The following PDK1 variants were observed in gnomAD, a reference collection of about 807,000 sequenced individuals.
PDK1 encodes pyruvate dehydrogenase kinase 1.
Under a neutral mutation model 54.2 loss-of-function variants are expected in PDK1, and 39 were observed. The ratio of observed to expected loss-of-function variants is 0.72; its 90% CI spans 0.56 to 0.94. The LOEUF is 0.94. PDK1 is among the 40% of genes least tolerant of loss of function. PDK1 has a pLI of 0.00. For synonymous variants in PDK1, 221 were observed against 207.1 expected (o/e 1.07, Z -0.58); for missense variants, 552 against 566.0 (o/e 0.98, Z 0.25).
chr2:172,650,533 A>C, the PDK1 span, among the ~76,000 whole-genome samples: 22 of 152,282 alleles, frequency 1.4e-4, no homozygotes, highest in African/African-American at 5.3e-4. Context: ...AAAGACACAG[A>C]CTGGCAAATT....
chr2:172,613,146 G>A (rs910498073), downstream of PDK1, among the ~76,000 whole-genome samples: 1 of 152,182 alleles, frequency 6.6e-6, no homozygotes, highest in Non-Finnish European at 1.5e-5. Flanking sequence ...ACTGAGTCTT[G>A]ACTAACAGGA....
At chr2:172,609,425 AAAT>A (rs1237628443), downstream of PDK1, among the ~76,000 whole-genome samples, 6 of 152,244 alleles carry the variant, frequency 3.9e-5, no homozygotes, top group African/African-American at 1.4e-4. Flanking sequence ...ACTATAAAGA[AAAT>A]AAGATTTTAT....
At chr2:172,626,492 T>C in the PDK1 span, among the ~76,000 whole-genome samples, 2 of 152,266 alleles carry the variant, frequency 1.3e-5, no homozygotes, top group South Asian at 2.1e-4. Flanking sequence ...TTTAAAGATA[T>C]AGTTTTGAAA....
the PDK1 span, among the ~76,000 whole-genome samples, chr2:172,669,123 A>T: frequency 7.2e-6 from 1 of 139,062 alleles, no homozygotes; most frequent in South Asian, 2.2e-4. Context: ...GCAGTGGCGC[A>T]ATCTCGGCTC....
the PDK1 span, among the ~76,000 whole-genome samples, chr2:172,617,375 CTCTAG>C: frequency 2.2e-4 from 34 of 152,040 alleles, no homozygotes; most frequent in Middle Eastern, 3.4e-3. Flanking sequence ...AAATATTCCC[CTCTAG>C]TCTATTTTGT....
chr2:172,672,903 T>A, the PDK1 span, among the ~76,000 whole-genome samples: 1 of 152,188 alleles, frequency 6.6e-6, no homozygotes, highest in African/African-American at 2.4e-5. Flanking sequence ...ACCCAAGTCA[T>A]ACAGCATCAA....
chr2:172,630,866 G>A, the PDK1 span, among the ~76,000 whole-genome samples: 1 of 152,094 alleles, frequency 6.6e-6, no homozygotes, highest in South Asian at 2.1e-4. Flanking sequence ...CTGACCTCAA[G>A]CGATCCTCCC....
chr2:172,629,946 G>A, the PDK1 span, among the ~76,000 whole-genome samples: 1 of 152,152 alleles, frequency 6.6e-6, no homozygotes, highest in African/African-American at 2.4e-5. Context: ...GGAAGTATTC[G>A]GTTTCACATT....
the PDK1 span, among the ~76,000 whole-genome samples, chr2:172,647,650 T>C: frequency 8.5e-5 from 13 of 152,184 alleles, 1 homozygote. Flanking sequence ...GGAATTCCAA[T>C]TAATAAATGT....
chr2:172,698,335 G>A, the PDK1 span, among the ~76,000 whole-genome samples: 27 of 151,964 alleles, frequency 1.8e-4, no homozygotes, highest in Admixed American at 1.8e-3. Context: ...GCATAAGTTT[G>A]GGCTGGTTTG....
the PDK1 span, among the ~76,000 whole-genome samples, chr2:172,682,253 G>C: frequency 6.6e-6 from 1 of 152,228 alleles, no homozygotes; most frequent in Admixed American, 6.5e-5. Context: ...GGCTGTAGTA[G>C]AGAGAGCAGG....
the PDK1 span, among the ~76,000 whole-genome samples, chr2:172,642,314 G>A: frequency 6.6e-6 from 1 of 152,118 alleles, no homozygotes; most frequent in African/African-American, 2.4e-5. Context: ...CTCTTGTGTG[G>A]GTACTTGGTG....
chr2:172,618,318 A>G, the PDK1 span, among the ~76,000 whole-genome samples: 1 of 152,208 alleles, frequency 6.6e-6, no homozygotes, highest in African/African-American at 2.4e-5. Flanking sequence ...AGAATGAGAT[A>G]TTTTGAAAAA....
At chr2:172,579,693 A>G (rs1019651928) in intron 8 of PDK1, among the ~76,000 whole-genome samples, 3 of 148,248 alleles carry the variant, frequency 2.0e-5, no homozygotes, top group African/African-American at 7.7e-5. Flanking sequence ...TTGTTTAACT[A>G]GAGTTTTTAA....
At chr2:172,658,136 G>C in the PDK1 span, among the ~76,000 whole-genome samples, 1 of 152,156 alleles carries the variant, frequency 6.6e-6, no homozygotes, top group Non-Finnish European at 1.5e-5. Flanking sequence ...CCATCCCTGT[G>C]ATGAAAACAC....
At chr2:172,631,848 T>TA in the PDK1 span, among the ~76,000 whole-genome samples, 2 of 152,344 alleles carry the variant, frequency 1.3e-5, no homozygotes, top group Admixed American at 1.3e-4. Flanking sequence ...ACTCTTATGT[T>TA]ACGGTTTTCT....
chr2:172,618,166 T>A, the PDK1 span, among the ~76,000 whole-genome samples: 9 of 152,184 alleles, frequency 5.9e-5, no homozygotes, highest in Non-Finnish European at 1.2e-4. Context: ...CTACATTCTA[T>A]AGTGAGATGG....
chr2:172,569,504 A>C (rs1689133975), intron 7 of PDK1, among the ~76,000 whole-genome samples: 1 of 152,294 alleles, frequency 6.6e-6, no homozygotes. Flanking sequence ...ATTGCCCTCT[A>C]TCAGAAGCTT....
the PDK1 span, among the ~76,000 whole-genome samples, chr2:172,697,789 G>GCC: frequency 0.053 from 8,096 of 152,194 alleles, 395 homozygotes; most frequent in East Asian, 0.22. Flanking sequence ...TGAAGATACT[G>GCC]GCCCAGATCA....
Sources: gnomAD v4.1 joint callset for allele counts (sites outside exome capture counted in the v4.1 genomes callset) on GRCh38, gnomAD v4.1.1 for gene constraint, MANE v1.5 for transcripts, NCBI Gene and HGNC (gene_info 2026-07-23, HGNC 2026-07-21) for gene names.